The following ZDHHC20 variants were observed in gnomAD, a reference collection of about 807,000 sequenced individuals.
ZDHHC20 encodes palmitoyltransferase ZDHHC20.
Under a neutral mutation model 57.8 loss-of-function variants are expected in ZDHHC20, and 43 were observed. The observed-to-expected ratio is 0.74, with a 90% CI of 0.58 to 0.96. The LOEUF (loss-of-function observed/expected upper bound fraction) is 0.96, where lower values mean the gene tolerates loss of function less well. ZDHHC20 is among the 40% of genes least tolerant of loss of function. ZDHHC20 has a pLI of 0.00. For synonymous variants in ZDHHC20, 157 were observed against 153.0 expected (o/e 1.03, Z -0.19); for missense variants, 391 against 441.1 (o/e 0.89, Z 1.02).
At chr13:21,432,295 G>A (rs1465221829) in intron 1 of ZDHHC20, among the ~76,000 whole-genome samples, 1 of 150,206 alleles carries the variant, frequency 6.7e-6, no homozygotes, top group Non-Finnish European at 1.5e-5. Context: ...CTCCCAAGTA[G>A]CTGGGACTAA....
Position 21,421,056 on chromosome 13 carries a change from T to C in ZDHHC20, c.249+5A>G, listed in dbSNP as rs1204227601. 6.2e-7 allele frequency: 1 copy of C among 1,608,764 alleles called. No individual in the cohort carries two copies. The highest frequency in any genetic ancestry group is 2.2e-5 in the East Asian group (1 of 44,758). On this transcript the variant is annotated splice_donor_5th_base_variant and intron_variant, in intron 3 of 12. Transcript: ENST00000400590. ...CATTTGGTAATTTACCAACATTAAA[T>C]TTACCTCTTTGGAGGGGGAAGCGGG...
At chr13:21,449,920 C>T (rs1353670320) in intron 1 of ZDHHC20, among the ~76,000 whole-genome samples, 1 of 152,134 alleles carries the variant, frequency 6.6e-6, no homozygotes, top group African/African-American at 2.4e-5. Context: ...GCGTGAGCCA[C>T]TGCACCCAGA....
intron 1 of ZDHHC20, among the ~76,000 whole-genome samples, chr13:21,437,045 T>C (rs1882625069): frequency 6.6e-6 from 1 of 152,184 alleles, no homozygotes; most frequent in African/African-American, 2.4e-5. Flanking sequence ...GCAATGAGGC[T>C]GATACAAAAA....
rs41284199 is a variant in ZDHHC20 at position 21,376,570 on chromosome 13, T to C, written c.*126A>G. The C allele has an allele frequency of 0.018, 20,063 of 1,121,516 alleles. 230 individuals carry two copies. The highest frequency in any genetic ancestry group is 0.021 in the Non-Finnish European group (16,758 of 815,542). 69.5% of individuals were successfully genotyped at this position (1,121,516 alleles called of 1,614,324 possible). A position where few individuals can be genotyped will look rare whatever the true frequency, so the allele number is the denominator to read the frequency against. ...GCTTTCCGTTTTAAAAAATATATCTTCTGTTATACTTCAGTTATTTCATTC... is the reference window on the plus strand; with the variant it reads ...GCTTTCCGTTTTAAAAAATATATCTCCTGTTATACTTCAGTTATTTCATTC... On this transcript the variant is annotated 3_prime_UTR_variant, in exon 13 of 13. Coordinates refer to ENST00000400590, the MANE Select transcript of ZDHHC20 (RefSeq NM_001330059.2).
intron 9 of ZDHHC20, among the ~76,000 whole-genome samples, chr13:21,387,282 T>G (rs2137688819): frequency 6.6e-6 from 1 of 152,272 alleles, no homozygotes; most frequent in East Asian, 1.9e-4. Context: ...TGAATCATCT[T>G]TTTCTTCTAC....
At position 21,428,732 on chromosome 13, in the gene ZDHHC20, C is replaced by T. The variant is rs751756877; in HGVS notation, c.119-3054G>A. 4.0e-5 allele frequency among the ~76,000 whole-genome samples: 6 copies of T among 151,684 alleles called. 1 individual carries two copies. Among genetic ancestry groups the T allele is most frequent in the South Asian group, 4.2e-4 (2 of 4,790 alleles). ...AAAATTAGCTGGGCATGGTGGCGTGCGCCTGTAGTCCCAGCTACTCAGGAG... is the reference window on the plus strand; with the variant it reads ...AAAATTAGCTGGGCATGGTGGCGTGTGCCTGTAGTCCCAGCTACTCAGGAG... On this transcript the variant is annotated intron_variant, in intron 1 of 12. Coordinates refer to ENST00000400590, the MANE Select transcript of ZDHHC20 (RefSeq NM_001330059.2).
rs144848923 is a variant in ZDHHC20, at chr13:21,423,534, C to T, written c.145+2118G>A. Reference sequence around the variant, plus strand: ...CTACCAATACAAAAAATTAGCTGGGCGTAGTGGTGCACACTTGTAATCTCA... The same window carrying T: ...CTACCAATACAAAAAATTAGCTGGGTGTAGTGGTGCACACTTGTAATCTCA... On this transcript the variant is annotated intron_variant, in intron 2 of 12. Transcript: ENST00000400590. Among the ~76,000 whole-genome samples the T allele has an allele frequency of 3.9e-5, 6 of 151,930 alleles. No individual in the cohort carries two copies. The East Asian group carries it at 1.2e-3, about 29-fold the overall frequency.
At chr13:21,457,490 C>T (rs1406292164) in intron 1 of ZDHHC20, among the ~76,000 whole-genome samples, 1 of 152,230 alleles carries the variant, frequency 6.6e-6, no homozygotes, top group Non-Finnish European at 1.5e-5. Flanking sequence ...TTTTAATTGA[C>T]TCAAACATCA....
chr13:21,382,285 G>C (rs941323620), intron 10 of ZDHHC20, among the ~76,000 whole-genome samples: 4 of 152,088 alleles, frequency 2.6e-5, no homozygotes, highest in Non-Finnish European at 5.9e-5. Flanking sequence ...ATATTAATAT[G>C]CTAGCTTAGA....
At chr13:21,393,337 CTA>C (rs1425632852) in intron 7 of ZDHHC20, among the ~76,000 whole-genome samples, 1 of 151,908 alleles carries the variant, frequency 6.6e-6, no homozygotes, top group African/African-American at 2.4e-5. Context: ...CCTGTCTCTA[CTA>C]AAAATGCAAA....
At chr13:21,383,577 T>C (rs1873861189) in intron 9 of ZDHHC20, among the ~76,000 whole-genome samples, 1 of 152,212 alleles carries the variant, frequency 6.6e-6, no homozygotes, top group African/African-American at 2.4e-5. Context: ...AGAAACAATG[T>C]CTTCTGTGCC....
intron 1 of ZDHHC20, among the ~76,000 whole-genome samples, chr13:21,448,943 T>A: frequency 2.0e-5 from 2 of 102,056 alleles, no homozygotes; most frequent in East Asian, 2.2e-4. Context: ...CTCTGAAACA[T>A]GTGCTGTGTC....
At chr13:21,445,676 C>T (rs1883620170) in intron 1 of ZDHHC20, among the ~76,000 whole-genome samples, 1 of 152,180 alleles carries the variant, frequency 6.6e-6, no homozygotes, top group Non-Finnish European at 1.5e-5. Context: ...TTGGCGGCTA[C>T]ACAATCAATT....
intron 2 of ZDHHC20, 46 bp from the exon 3 acceptor site, chr13:21,421,210 C>T: frequency 6.7e-7 from 1 of 1,483,686 alleles, no homozygotes; most frequent in Non-Finnish European, 9.3e-7. Context: ...CAGGTGAAAA[C>T]AGCAAAAAGC....
In ZDHHC20 at chr13:21,442,680, G is replaced by A. The variant is rs147764159; in HGVS notation, c.118+16374C>T. On this transcript the variant is annotated intron_variant, in intron 1 of 12. Transcript: ENST00000400590. Reference sequence around the variant, plus strand: ...TGAGGCACAAGAATTGCTTGAACCCGGGAAGCAGAGATTACAGTGAGCCGA... The same window carrying A: ...TGAGGCACAAGAATTGCTTGAACCCAGGAAGCAGAGATTACAGTGAGCCGA... Among the ~76,000 whole-genome samples, 1,299 of 150,680 alleles carry A rather than the reference G, an allele frequency of 8.6e-3. 22 individuals carry two copies. Among genetic ancestry groups the A allele is most frequent in the African/African-American group, 0.03 (1,225 of 40,936 alleles).
intron 3 of ZDHHC20, among the ~76,000 whole-genome samples, chr13:21,413,981 T>C (rs1879582971): frequency 1.3e-5 from 2 of 152,168 alleles, no homozygotes; most frequent in Non-Finnish European, 2.9e-5. Flanking sequence ...CCACACCAGA[T>C]GGCAAAGAAT....
At position 21,374,363 on chromosome 13, in the gene ZDHHC20, T is replaced by TAC; in HGVS notation, c.*2331_*2332dup. Reference sequence around the variant, plus strand: ...CCTCCACCTCCCGAGTAGTTGGGACTACAGGCGTGTGCCACCATGCCTGGA... The same window carrying TAC: ...CCTCCACCTCCCGAGTAGTTGGGACTACACAGGCGTGTGCCACCATGCCTGGA... On this transcript the variant is annotated 3_prime_UTR_variant, in exon 13 of 13. Transcript: ENST00000400590. 2.2e-6 allele frequency: 1 copy of TAC among 455,194 alleles called. No homozygotes were observed. The allele number at this position is 455,194 out of a possible 1,614,324, so 28.2% of individuals were successfully genotyped here. A position where few individuals can be genotyped will look rare whatever the true frequency, so the allele number is the denominator to read the frequency against.
Position 21,378,716 on chromosome 13 carries a change from C to T in ZDHHC20, c.1083G>A (p.Val361=). Residue 361 remains valine (V), a synonymous_variant, in exon 12 of 13, where the codon GTG becomes GTA. Coordinates refer to ENST00000400590, the MANE Select transcript of ZDHHC20 (RefSeq NM_001330059.2). ...CAAGTGGTACTCAATTTTCTATTGC[C>T]ACTGTTACATGGTTATTTGTCCCTG... is the stretch of plus-strand genomic sequence containing the variant. The part of the protein sequence containing the change: ...VKSGTNNHVT[V]AIEN 6.8e-7 allele frequency: 1 copy of T among 1,461,204 alleles called. No homozygotes were observed. Among genetic ancestry groups the T allele is most frequent in the South Asian group, 1.6e-5 (1 of 64,336 alleles). The allele number at this position is 1,461,204 out of a possible 1,614,324, so 90.5% of individuals were successfully genotyped here. A position where few individuals can be genotyped will look rare whatever the true frequency, so the allele number is the denominator to read the frequency against.
rs1174338085 is a variant in ZDHHC20, at chr13:21,383,093, T to C, written c.855-84A>G. 6.9e-5 allele frequency: 83 copies of C among 1,203,870 alleles called. 3 individuals carry two copies. The highest frequency in any genetic ancestry group is 3.0e-4 in the Admixed American group (15 of 49,576). 74.6% of individuals were successfully genotyped at this position (1,203,870 alleles called of 1,614,324 possible). A position where few individuals can be genotyped will look rare whatever the true frequency, so the allele number is the denominator to read the frequency against. On this transcript the variant is annotated intron_variant, in intron 9 of 12. Coordinates refer to ENST00000400590, the MANE Select transcript of ZDHHC20 (RefSeq NM_001330059.2). Reference sequence around the variant, plus strand: ...ATTTAACACTCATTTTTCAGAGACATGGCATACATTATCATAACTTGTCAT... The same window carrying C: ...ATTTAACACTCATTTTTCAGAGACACGGCATACATTATCATAACTTGTCAT...
Sources: allele counts gnomAD v4.1 joint callset (sites outside exome capture counted in the v4.1 genomes callset), GRCh38; gene constraint gnomAD v4.1.1; transcripts MANE v1.5; gene names NCBI Gene and HGNC (gene_info 2026-07-23, HGNC 2026-07-21).